Variants in LONRF2 observed in about 807,000 individuals in gnomAD.
LONRF2 encodes LON peptidase N-terminal domain and RING finger protein 2.
A neutral mutation model predicts 66.6 loss-of-function variants in LONRF2; 35 were observed. The ratio of observed to expected loss-of-function variants is 0.53; its 90% CI spans 0.40 to 0.70. The LOEUF (loss-of-function observed/expected upper bound fraction) is 0.70, where lower values mean the gene tolerates loss of function less well. Among genes scored for constraint, LONRF2 ranks in the 30% least tolerant of loss-of-function variants. The pLI, the probability that LONRF2 is intolerant of heterozygous loss-of-function variation, is 0.00. For missense variants in LONRF2, 902 were observed against 1,002.1 expected, an observed-to-expected ratio of 0.90 and a Z score of 1.35; for synonymous variants, 417 against 418.1, an observed-to-expected ratio of 1.00 and a Z score of 0.03.
chr2:100,284,028 GC>G lies in LONRF2; in HGVS notation c.*269del. Reference sequence around the variant, plus strand: ...CAGGGTCCTGTGCTGTCAGTGAACTGCATTCCCCAAGCACCTGCTTCTAAGA... The same window carrying G: ...CAGGGTCCTGTGCTGTCAGTGAACTGATTCCCCAAGCACCTGCTTCTAAGA... On this transcript the variant is annotated 3_prime_UTR_variant, in exon 12 of 12. Coordinates refer to ENST00000393437, the MANE Select transcript of LONRF2 (RefSeq NM_198461.4). 3 of 343,454 alleles carry G rather than the reference GC, an allele frequency of 8.7e-6. No homozygotes were observed. Among genetic ancestry groups the G allele is most frequent in the South Asian group, 1.1e-4 (2 of 18,962 alleles). 21.3% of individuals were successfully genotyped at this position (343,454 alleles called of 1,614,324 possible). A position where few individuals can be genotyped will look rare whatever the true frequency, so the allele number is the denominator to read the frequency against.
chr2:100,275,181 A>G lies in LONRF2; in HGVS notation c.*9117T>C, dbSNP rs918553662. ...GGTGCTGCAGACTAGGGTGATGTCA[A>G]TCGCAGTCCCCTACACAGGACCTTC... On this transcript the variant is annotated 3_prime_UTR_variant, in exon 12 of 12. Transcript: ENST00000393437. 6.6e-6 allele frequency: 1 copy of G among 152,274 alleles called. No individual in the cohort carries two copies. The highest frequency in any genetic ancestry group is 1.5e-5 in the Non-Finnish European group (1 of 68,090). The allele number at this position is 152,274 out of a possible 1,614,324, so 9.4% of individuals were successfully genotyped here.
chr2:100,321,270 T>A, intron 1 of LONRF2, 145 bp downstream of exon 1: 1 of 718,562 alleles, frequency 1.4e-6, no homozygotes, highest in Non-Finnish European at 2.1e-6. Context: ...ACCTTTCACC[T>A]TCCCATCCTT....
At position 100,321,998 on chromosome 2, in the gene LONRF2, C is replaced by G; in HGVS notation, c.96G>C (p.Glu32Asp). The change falls in exon 1 of 12, where the codon GAG (glutamate) becomes GAC (aspartate). Residue 32 changes from glutamate (E) to aspartate (D), a missense_variant. Physicochemically the swap from Glu to Asp is conservative, Grantham distance 45. Coordinates refer to ENST00000393437, the MANE Select transcript of LONRF2 (RefSeq NM_198461.4). ...TCTCGTAGTCGCCCGCGCGGAAGGC[C>G]TCGTCGCCCTCCTCTAAGCGCTGGG... Reference protein sequence around the residue: ...PIAQRLEEGDEAFRAGDYEMA... With the variant: ...PIAQRLEEGDDAFRAGDYEMA... 1 of 1,457,796 alleles carries G rather than the reference C, an allele frequency of 6.9e-7. No homozygotes were observed. Among genetic ancestry groups the G allele is most frequent in the Non-Finnish European group, 9.0e-7 (1 of 1,106,244 alleles). The allele number at this position is 1,457,796 out of a possible 1,614,324, so 90.3% of individuals were successfully genotyped here.
At position 100,300,930 on chromosome 2, in the gene LONRF2, A is replaced by G. The variant is rs1675173989; in HGVS notation, c.922-143T>C. 5 of 649,208 alleles carry G rather than the reference A, an allele frequency of 7.7e-6. No homozygotes were observed. In the South Asian group the frequency reaches 1.6e-4, roughly 21 times the overall value. 40.2% of individuals were successfully genotyped at this position (649,208 alleles called of 1,614,324 possible). On this transcript the variant is annotated intron_variant, in intron 3 of 11. Coordinates refer to ENST00000393437, the MANE Select transcript of LONRF2 (RefSeq NM_198461.4). ...GAATAATTTTAACTGCCAACCTTTT[A>G]AAATCCAAACATTTTTGAAACCAGA...
chr2:100,312,442 C>T (rs1675428102), intron 1 of LONRF2, among the ~76,000 whole-genome samples: 1 of 152,098 alleles, frequency 6.6e-6, no homozygotes, highest in Non-Finnish European at 1.5e-5. Flanking sequence ...TTACTAATAT[C>T]TTGTTCATTA....
In LONRF2 at chr2:100,322,029, G is replaced by T. The variant is rs758729357; in HGVS notation, c.65C>A (p.Pro22Gln). Residue 22 changes from proline (P) to glutamine (Q), a missense_variant, in exon 1 of 12, where the codon CCG becomes CAG. By Grantham distance (76) the Pro-to-Gln change is moderately conservative (BLOSUM62 -1). Transcript: ENST00000393437. Reference protein sequence around the residue: ...PQCPGCDRAEPIAQRLEEGDE... With the variant: ...PQCPGCDRAEQIAQRLEEGDE... ...GCCCTCCTCTAAGCGCTGGGCGATC[G>T]GCTCCGCGCGGTCGCAGCCAGGACA... The T allele has an allele frequency of 7.3e-7, 1 of 1,368,918 alleles. No individual in the cohort carries two copies. The highest frequency in any genetic ancestry group is 1.6e-5 in the South Asian group (1 of 60,904). The allele number at this position is 1,368,918 out of a possible 1,614,324, so 84.8% of individuals were successfully genotyped here.
At chr2:100,299,970 A>T (rs773221915) in intron 4 of LONRF2, 52 bp from the exon 5 acceptor site, 1 of 1,099,644 alleles carries the variant, frequency 9.1e-7, no homozygotes. Flanking sequence ...ATCATAGCAT[A>T]AGAGAAAAAG....
In LONRF2 at chr2:100,290,396, C is replaced by T. The variant is rs1674935164; in HGVS notation, c.1782G>A (p.Leu594=). ...HAGLSEYGCM[L]EIKDVRTFPD... ...GAAACGTTCTCACGTCCTTAATCTC[C>T]AGCATGCATCCATACTCTGAAAGCC... Residue 594 remains leucine, a synonymous_variant, in exon 10 of 12, where the codon CTG becomes CTA. Coordinates refer to ENST00000393437, the MANE Select transcript of LONRF2 (RefSeq NM_198461.4). 1.2e-6 allele frequency: 2 copies of T among 1,613,564 alleles called. No homozygotes were observed. Among genetic ancestry groups the T allele is most frequent in the Admixed American group, 1.7e-5 (1 of 59,900 alleles).
intron 1 of LONRF2, 27 bp downstream of exon 1, chr2:100,321,388 G>T: frequency 7.1e-7 from 1 of 1,407,332 alleles, no homozygotes; most frequent in South Asian, 1.5e-5. Flanking sequence ...GTGTAGGGGA[G>T]GCGGACCCGC....
chr2:100,298,105 C>T (rs1675108908), intron 7 of LONRF2, among the ~76,000 whole-genome samples: 1 of 152,166 alleles, frequency 6.6e-6, no homozygotes, highest in Non-Finnish European at 1.5e-5. Context: ...ATACTCCCCA[C>T]CCCCTTAAGA....
intron 1 of LONRF2, among the ~76,000 whole-genome samples, chr2:100,316,214 G>A (rs1034002699): frequency 6.6e-6 from 1 of 151,380 alleles, no homozygotes; most frequent in African/African-American, 2.4e-5. Context: ...AGCTACTGGG[G>A]AGGCTGAGGC....
At position 100,303,473 on chromosome 2, in the gene LONRF2, A is replaced by G. The variant is rs544043859; in HGVS notation, c.799-430T>C. 6.6e-5 allele frequency among the ~76,000 whole-genome samples: 10 copies of G among 152,382 alleles called. No homozygotes were observed. The East Asian group carries it at 1.7e-3, about 26-fold the overall frequency. On this transcript the variant is annotated intron_variant, in intron 2 of 11. Transcript: ENST00000393437. ...ATATACTAAGTGCCACAATAAAAGT[A>G]AACAAAATACAATATGGATCAGTAA...
rs1178321190 is a variant in LONRF2, at chr2:100,321,798, G to T, written c.296C>A (p.Ala99Glu). The change falls in exon 1 of 12, where the codon GCG becomes GAG. Residue 99 changes from alanine (A) to glutamate (E), a missense_variant. This residue lies in a region of LONRF2 where 585 missense variants were observed against 569.9 expected (regional missense o/e 1.03). Coordinates refer to ENST00000393437, the MANE Select transcript of LONRF2 (RefSeq NM_198461.4). ...ALRPEELEELAGGLVRAVGLR... is the reference protein window; with the variant it reads ...ALRPEELEELEGGLVRAVGLR... ...GCCCACGGCGCGCACCAGGCCGCCC[G>T]CCAGCTCTTCCAGCTCCTCCGGCCG... The T allele has an allele frequency of 9.3e-6, 10 of 1,072,014 alleles. No homozygotes were observed. The highest frequency in any genetic ancestry group is 1.1e-5 in the Non-Finnish European group (10 of 886,110). 66.4% of individuals were successfully genotyped at this position (1,072,014 alleles called of 1,614,324 possible).
chr2:100,289,430 C>CT (rs10543662), intron 10 of LONRF2, among the ~76,000 whole-genome samples: 1,042 of 77,038 alleles, frequency 0.014, 29 homozygotes, highest in Non-Finnish European at 0.018. Flanking sequence ...ACAATAAGGT[C>CT]TTTTTTTTTT....
rs936366451 is a variant in LONRF2, at chr2:100,296,007, T to C, written c.1477-454A>G. 2.0e-5 allele frequency among the ~76,000 whole-genome samples: 3 copies of C among 152,188 alleles called. No individual in the cohort carries two copies. In the East Asian group the frequency reaches 5.8e-4, roughly 29 times the overall value. ...CACCAATCTTCCCAACATTATGTTT[T>C]TTTCTAGCTTTGTTGTATTACTTAG... On this transcript the variant is annotated intron_variant, in intron 7 of 11. Coordinates refer to ENST00000393437, the MANE Select transcript of LONRF2 (RefSeq NM_198461.4).
rs781015290 is a variant in LONRF2 at position 100,302,972 on chromosome 2, G to A, written c.870C>T (p.Tyr290=). The change falls in exon 3 of 12, where the codon TAC becomes TAT. Residue 290 remains tyrosine, a synonymous_variant. Coordinates refer to ENST00000393437, the MANE Select transcript of LONRF2 (RefSeq NM_198461.4). ...RSKEVLKEFL[Y]CLALNPECNS... ...TACATTCAGGATTCAGAGCAAGGCA[G>A]TAGAGAAATTCCTTTAACACTTCCT... The A allele has an allele frequency of 6.8e-6, 11 of 1,611,728 alleles. No individual in the cohort carries two copies. The African/African-American group carries it at 1.3e-4, about 20-fold the overall frequency.
At position 100,281,058 on chromosome 2, in the gene LONRF2, T is replaced by G. The variant is rs181896915; in HGVS notation, c.*3240A>C. The stretch of plus-strand genomic sequence containing the variant: ...CAGATGGGTATTTTTTTAAAGCCCT[T>G]AAAAATTATAACAAATTCTATGTAA... On this transcript the variant is annotated 3_prime_UTR_variant, in exon 12 of 12. Coordinates refer to ENST00000393437, the MANE Select transcript of LONRF2 (RefSeq NM_198461.4). 3.9e-5 allele frequency: 6 copies of G among 152,294 alleles called. No homozygotes were observed. In the East Asian group the frequency reaches 1.2e-3, roughly 29 times the overall value. 9.4% of individuals were successfully genotyped at this position (152,294 alleles called of 1,614,324 possible). A position where few individuals can be genotyped will look rare whatever the true frequency, so the allele number is the denominator to read the frequency against.
At chr2:100,305,315 A>G (rs1331473874) in intron 2 of LONRF2, among the ~76,000 whole-genome samples, 1 of 152,078 alleles carries the variant, frequency 6.6e-6, no homozygotes, top group Non-Finnish European at 1.5e-5. Context: ...TATTTTTTTT[A>G]ATACAGTTCT....
chr2:100,290,224 C>G lies in LONRF2; in HGVS notation c.1920+34G>C, dbSNP rs565677972. ...ATGCAAAGGGAAGCGAGAGGACCGA[C>G]TGCTATAAAATACACCAGTATGATA... On this transcript the variant is annotated intron_variant, in intron 10 of 11. Coordinates refer to ENST00000393437, the MANE Select transcript of LONRF2 (RefSeq NM_198461.4). The G allele has an allele frequency of 2.3e-5, 36 of 1,575,684 alleles. No homozygotes were observed. In the South Asian group the frequency reaches 4.0e-4, roughly 17 times the overall value.
Sources: allele counts gnomAD v4.1 joint callset (sites outside exome capture counted in the v4.1 genomes callset), GRCh38; gene constraint gnomAD v4.1.1; regional missense constraint gnomAD v4.1.1; transcripts MANE v1.5; gene names NCBI Gene and HGNC (gene_info 2026-07-23, HGNC 2026-07-21).